Variants in DSCAM observed in about 807,000 individuals in gnomAD.
DSCAM encodes DS cell adhesion molecule, also known as cell adhesion molecule DSCAM.
Under a neutral mutation model 217.7 loss-of-function variants are expected in DSCAM, and 47 were observed. That is an observed-to-expected ratio of 0.22 (90% CI 0.17 to 0.28). DSCAM has a LOEUF of 0.28. Among genes scored for constraint, DSCAM ranks in the 10% least tolerant of loss-of-function variants. DSCAM has a pLI of 1.00. For synonymous variants in DSCAM, 1,056 were observed against 1,015.3 expected (o/e 1.04, Z -0.76); for missense variants, 2,080 against 2,618.3 (o/e 0.79, Z 4.49).
At chr21:40,229,728 G>A (rs867702831) in intron 11 of DSCAM, among the ~76,000 whole-genome samples, 7 of 152,168 alleles carry the variant, frequency 4.6e-5, no homozygotes, top group Non-Finnish European at 1.0e-4. Context: ...CCAAACAAAA[G>A]TTTGTATTTA....
At chr21:40,593,984 G>C (rs569953365) in intron 3 of DSCAM, among the ~76,000 whole-genome samples, 1 of 152,040 alleles carries the variant, frequency 6.6e-6, no homozygotes, top group Non-Finnish European at 1.5e-5. Context: ...TGTTGTTTTC[G>C]TTTATGCTTT....
intron 3 of DSCAM, among the ~76,000 whole-genome samples, chr21:40,404,499 G>T (rs997878248): frequency 1.3e-5 from 2 of 152,220 alleles, no homozygotes; most frequent in Non-Finnish European, 2.9e-5. Context: ...TGGAAACCTG[G>T]TGTTTCTTTA....
intron 3 of DSCAM, among the ~76,000 whole-genome samples, chr21:40,658,380 A>C (rs995798116): frequency 3.9e-4 from 59 of 152,304 alleles, no homozygotes; most frequent in African/African-American, 1.2e-3. Flanking sequence ...TGTGCCTCTC[A>C]GGCTGCTTCT....
intron 27 of DSCAM, among the ~76,000 whole-genome samples, chr21:40,074,616 A>G (rs1224714499): frequency 6.6e-6 from 1 of 152,190 alleles, no homozygotes; most frequent in Admixed American, 6.5e-5. Flanking sequence ...CTGCCTCACA[A>G]TGCTTCACCA....
chr21:40,842,210 C>T (rs1334105096), intron 1 of DSCAM, among the ~76,000 whole-genome samples: 1 of 152,196 alleles, frequency 6.6e-6, no homozygotes, highest in Non-Finnish European at 1.5e-5. Flanking sequence ...AGGGTGCGGG[C>T]ACCAAGGCCC....
chr21:40,135,818 A>G (rs1474820350), intron 18 of DSCAM, among the ~76,000 whole-genome samples: 3 of 152,238 alleles, frequency 2.0e-5, no homozygotes, highest in Non-Finnish European at 4.4e-5. Flanking sequence ...AAAAAGATCA[A>G]TGTGGAACGG....
intron 3 of DSCAM, among the ~76,000 whole-genome samples, chr21:40,563,783 T>TTTATATGTTTATATATAG (rs1310317903): frequency 6.7e-6 from 1 of 148,160 alleles, no homozygotes; most frequent in African/African-American, 2.5e-5. Context: ...TATATATATG[T>TTTATATGTTTATATATAG]TTATATGTTT....
intron 3 of DSCAM, among the ~76,000 whole-genome samples, chr21:40,491,811 C>T (rs777262048): frequency 2.3e-4 from 35 of 152,294 alleles, no homozygotes; most frequent in Non-Finnish European, 4.1e-4. Flanking sequence ...AGCATTTCCT[C>T]GGATGCCACT....
At chr21:40,718,667 C>A (rs545692884) in intron 1 of DSCAM, among the ~76,000 whole-genome samples, 1 of 152,276 alleles carries the variant, frequency 6.6e-6, no homozygotes, top group Non-Finnish European at 1.5e-5. Flanking sequence ...GGTGAGGGCA[C>A]AGCCAAGGCA....
intron 1 of DSCAM, among the ~76,000 whole-genome samples, chr21:40,766,669 C>CAAAA (rs34935219): frequency 2.9e-4 from 19 of 66,622 alleles, no homozygotes; most frequent in African/African-American, 1.0e-3. Flanking sequence ...ACAACAATTC[C>CAAAA]AAAAAAAAAA....
At chr21:40,487,856 G>A (rs531805894) in intron 3 of DSCAM, among the ~76,000 whole-genome samples, 16 of 152,266 alleles carry the variant, frequency 1.1e-4, no homozygotes, top group African/African-American at 3.4e-4. Flanking sequence ...AGGAGCACAG[G>A]AGAGAGAAGA....
chr21:40,188,940 C>A (rs990279491), intron 12 of DSCAM, 102 bp downstream of exon 12: 1 of 1,194,494 alleles, frequency 8.4e-7, no homozygotes, highest in Admixed American at 1.9e-5. Context: ...AAATAAATTC[C>A]GAAAGATTAT....
Position 40,791,944 on chromosome 21 carries a change from A to G in DSCAM, c.43+54675T>C, listed in dbSNP as rs537130728. 5.1e-4 allele frequency among the ~76,000 whole-genome samples: 77 copies of G among 152,208 alleles called. No individual in the cohort carries two copies. The South Asian group carries it at 0.016, about 31-fold the overall frequency. ...GGTGTCTTAGTTGGTCTGGGCTGCC[A>G]TAGTGAAAGACCACAGACTCTGGAT... On this transcript the variant is annotated intron_variant, in intron 1 of 32. Transcript: ENST00000400454.
chr21:40,363,483 C>T (rs2074791618), intron 4 of DSCAM, among the ~76,000 whole-genome samples: 1 of 151,918 alleles, frequency 6.6e-6, no homozygotes, highest in Admixed American at 6.6e-5. Flanking sequence ...GAACTCCTGA[C>T]CTCAAGTGGT....
At chr21:40,355,365 C>T (rs1445302802) in intron 4 of DSCAM, among the ~76,000 whole-genome samples, 1 of 152,098 alleles carries the variant, frequency 6.6e-6, no homozygotes, top group African/African-American at 2.4e-5. Context: ...ATGACAGGGC[C>T]TTGTATAATT....
intron 1 of DSCAM, among the ~76,000 whole-genome samples, chr21:40,810,701 G>A (rs2091829988): frequency 6.6e-6 from 1 of 152,308 alleles, no homozygotes; most frequent in South Asian, 2.1e-4. Context: ...GAGAGCTCAA[G>A]ACCAGTCTGG....
At chr21:40,151,583 C>T (rs918350640) in intron 16 of DSCAM, among the ~76,000 whole-genome samples, 1 of 151,458 alleles carries the variant, frequency 6.6e-6, no homozygotes, top group African/African-American at 2.4e-5. Flanking sequence ...ACATGAGATG[C>T]AAAAAAAAGA....
intron 32 of DSCAM, among the ~76,000 whole-genome samples, chr21:40,033,556 G>A (rs2088573054): frequency 6.6e-6 from 1 of 151,556 alleles, no homozygotes; most frequent in South Asian, 2.1e-4. Flanking sequence ...TGCTAGCACA[G>A]CAGTCTGAGA....
Position 40,186,680 on chromosome 21 carries a change from C to T in DSCAM, c.2779+451G>A, listed in dbSNP as rs531899563. ...ATTTTCCTTTTTCTGCACCAACCACCACTGCACAGTTTATCCGACCAACAC... is the reference window on the plus strand; with the variant it reads ...ATTTTCCTTTTTCTGCACCAACCACTACTGCACAGTTTATCCGACCAACAC... On this transcript the variant is annotated intron_variant, in intron 14 of 32. Coordinates refer to ENST00000400454, the MANE Select transcript of DSCAM (RefSeq NM_001389.5). Among the ~76,000 whole-genome samples the T allele has an allele frequency of 3.3e-5, 5 of 152,334 alleles. 1 individual carries two copies. The South Asian group carries it at 1.0e-3, about 32-fold the overall frequency.
Sources: allele counts gnomAD v4.1 joint callset (sites outside exome capture counted in the v4.1 genomes callset), GRCh38; gene constraint gnomAD v4.1.1; transcripts MANE v1.5; gene names NCBI Gene and HGNC (gene_info 2026-07-23, HGNC 2026-07-21).